GRIN2A: variants seen among roughly 807,000 people sequenced by gnomAD.
GRIN2A encodes the protein glutamate ionotropic receptor NMDA type subunit 2A, also known as glutamate receptor ionotropic, NMDA 2A.
In GRIN2A, 22 loss-of-function variants were observed where a neutral mutation model predicts 113.4. The ratio of observed to expected loss-of-function variants is 0.19; its 90% CI spans 0.14 to 0.28. The LOEUF (loss-of-function observed/expected upper bound fraction) is 0.28, where lower values mean the gene tolerates loss of function less well. Ranked by LOEUF, GRIN2A falls within the 10% of genes least tolerant of loss-of-function variation. GRIN2A has a pLI of 1.00. For missense variants in GRIN2A, 1,502 were observed against 1,887.0 expected (o/e 0.80, Z 3.78); for synonymous variants, 827 against 738.4 (o/e 1.12, Z -1.94).
chr16:10,034,395 CA>C, intron 2 of GRIN2A, among the ~76,000 whole-genome samples: 1 of 151,938 alleles, frequency 6.6e-6, no homozygotes, highest in South Asian at 2.1e-4. Flanking sequence ...AATGTTAGCA[CA>C]TGCCTATAGT....
At chr16:10,071,710 G>GTA (rs1415525815) in intron 2 of GRIN2A, among the ~76,000 whole-genome samples, 4 of 152,186 alleles carry the variant, frequency 2.6e-5, no homozygotes, top group African/African-American at 9.7e-5. Flanking sequence ...TTTGGGCACA[G>GTA]TACCTGGCTG....
chr16:10,053,261 G>A (rs2047389908), intron 2 of GRIN2A, among the ~76,000 whole-genome samples: 1 of 152,186 alleles, frequency 6.6e-6, no homozygotes, highest in African/African-American at 2.4e-5. Flanking sequence ...GACTAGCAGA[G>A]GATCCTATGG....
intron 11 of GRIN2A, among the ~76,000 whole-genome samples, chr16:9,790,565 A>G (rs1902546708): frequency 6.6e-6 from 1 of 152,202 alleles, no homozygotes; most frequent in South Asian, 2.1e-4. Context: ...TAATACAGGG[A>G]TATTTGACTA....
intron 2 of GRIN2A, among the ~76,000 whole-genome samples, chr16:9,967,908 A>T (rs2045587546): frequency 1.3e-5 from 2 of 152,226 alleles, no homozygotes; most frequent in Admixed American, 6.5e-5. Context: ...AAAAAATTTT[A>T]AAACAGTATG....
chr16:9,961,639 G>A (rs1596365587), intron 2 of GRIN2A, among the ~76,000 whole-genome samples: 1 of 152,172 alleles, frequency 6.6e-6, no homozygotes, highest in Non-Finnish European at 1.5e-5. Flanking sequence ...TAATAAAACT[G>A]CACTTGCACC....
chr16:9,793,293 G>T (rs1902735029), intron 11 of GRIN2A, among the ~76,000 whole-genome samples: 1 of 152,010 alleles, frequency 6.6e-6, no homozygotes, highest in Non-Finnish European at 1.5e-5. Context: ...ATAAAATTAG[G>T]CATTCTTGTT....
rs530213033 is a variant in GRIN2A, at chr16:10,160,627, C to T, written c.414+19371G>A. Among the ~76,000 whole-genome samples, 5 of 152,340 alleles carry T rather than the reference C, an allele frequency of 3.3e-5. No homozygotes were observed. The East Asian group carries it at 5.8e-4, about 18-fold the overall frequency. On this transcript the variant is annotated intron_variant, in intron 2 of 12. Transcript: ENST00000330684. ...GCATCAGAGACTTTCCCACATTCAGCGGAGCCAGAGATTTTGGCTGTTTTA... is the reference window on the plus strand; with the variant it reads ...GCATCAGAGACTTTCCCACATTCAGTGGAGCCAGAGATTTTGGCTGTTTTA...
chr16:10,043,769 C>G (rs1229991970), intron 2 of GRIN2A, among the ~76,000 whole-genome samples: 1 of 151,880 alleles, frequency 6.6e-6, no homozygotes, highest in Non-Finnish European at 1.5e-5. Flanking sequence ...AACTCCTGTG[C>G]CAAATACTCC....
intron 10 of GRIN2A, among the ~76,000 whole-genome samples, chr16:9,820,999 G>C (rs2042272616): frequency 6.6e-6 from 1 of 152,152 alleles, no homozygotes; most frequent in South Asian, 2.1e-4. Flanking sequence ...TGAAAGGACA[G>C]AATGCTCACA....
intron 2 of GRIN2A, among the ~76,000 whole-genome samples, chr16:10,123,620 G>A (rs1180285966): frequency 3.3e-5 from 5 of 152,154 alleles, no homozygotes; most frequent in Non-Finnish European, 7.3e-5. Flanking sequence ...GAGGGATCTT[G>A]TTAAGAGGCA....
At chr16:9,898,934 G>A (rs188728211) in intron 3 of GRIN2A, among the ~76,000 whole-genome samples, 13 of 151,382 alleles carry the variant, frequency 8.6e-5, no homozygotes, top group African/African-American at 3.2e-4. Flanking sequence ...TCCCTCTTTA[G>A]TACAACTTCA....
rs111788205 is a variant in GRIN2A, at chr16:9,849,596, A to G, written c.1328+160T>C. Among the ~76,000 whole-genome samples the G allele has an allele frequency of 0.011, 1,620 of 152,232 alleles. 21 individuals carry two copies. Among genetic ancestry groups the G allele is most frequent in the African/African-American group, 0.036 (1,512 of 41,494 alleles). ...AAGTGTGGCACATCTCTAGGAATTTATCTAAGTCTTTTTTAAATTGATTAT... is the reference window on the plus strand; with the variant it reads ...AAGTGTGGCACATCTCTAGGAATTTGTCTAAGTCTTTTTTAAATTGATTAT... On this transcript the variant is annotated intron_variant, in intron 5 of 12. Transcript: ENST00000330684.
chr16:9,996,955 A>G (rs2046234317), intron 2 of GRIN2A, among the ~76,000 whole-genome samples: 1 of 152,202 alleles, frequency 6.6e-6, no homozygotes, highest in Non-Finnish European at 1.5e-5. Flanking sequence ...TTGCTATGAC[A>G]TTTCAAACAA....
intron 2 of GRIN2A, among the ~76,000 whole-genome samples, chr16:10,085,994 G>C (rs2048079239): frequency 6.6e-6 from 1 of 152,132 alleles, no homozygotes; most frequent in South Asian, 2.1e-4. Flanking sequence ...AATGCCTGGG[G>C]CCATATTGGG....
At chr16:9,831,043 A>G (rs2042482850) in intron 8 of GRIN2A, among the ~76,000 whole-genome samples, 1 of 152,236 alleles carries the variant, frequency 6.6e-6, no homozygotes, top group African/African-American at 2.4e-5. Context: ...TGACTGGGCC[A>G]TATAACTTTT....
chr16:9,992,913 C>T (rs923099407), intron 2 of GRIN2A, among the ~76,000 whole-genome samples: 1 of 152,116 alleles, frequency 6.6e-6, no homozygotes, highest in South Asian at 2.1e-4. Context: ...ACTCTCATAT[C>T]TAAAAAATAA....
chr16:9,960,615 C>A (rs1596364629), intron 2 of GRIN2A, among the ~76,000 whole-genome samples: 1 of 152,016 alleles, frequency 6.6e-6, no homozygotes, highest in Admixed American at 6.6e-5. Context: ...CTTTTTTATA[C>A]ACTTTATTTT....
At chr16:9,980,423 G>C (rs2045868637) in intron 2 of GRIN2A, among the ~76,000 whole-genome samples, 2 of 152,156 alleles carry the variant, frequency 1.3e-5, no homozygotes, top group African/African-American at 4.8e-5. Flanking sequence ...GTGGAAGTCG[G>C]TGTGGCAATT....
At chr16:9,988,278 T>TGTGC (rs750244883) in intron 2 of GRIN2A, among the ~76,000 whole-genome samples, 2,518 of 111,158 alleles carry the variant, frequency 0.023, 72 homozygotes, top group African/African-American at 0.082. Context: ...GGTGTGTGTG[T>TGTGC]GTGTGCGTGT....
Sources: gnomAD v4.1 joint callset for allele counts (sites outside exome capture counted in the v4.1 genomes callset) on GRCh38, gnomAD v4.1.1 for gene constraint, MANE v1.5 for transcripts, NCBI Gene and HGNC (gene_info 2026-07-23, HGNC 2026-07-21) for gene names.